Variants in ANO3 observed in about 807,000 individuals in gnomAD.
The protein encoded by ANO3 is anoctamin 3.
A neutral mutation model predicts 144.8 loss-of-function variants in ANO3; 99 were observed. The observed-to-expected ratio is 0.68, with a 90% CI of 0.58 to 0.81. ANO3 has a LOEUF of 0.81. Among genes scored for constraint, ANO3 ranks in the 30% least tolerant of loss-of-function variants. ANO3 has a pLI of 0.00. For missense variants in ANO3, 905 were observed against 1,202.2 expected (o/e 0.75, Z 3.66); for synonymous variants, 414 against 392.6 (o/e 1.05, Z -0.64).
intron 1 of ANO3, among the ~76,000 whole-genome samples, chr11:26,433,125 G>T (rs1211875049): frequency 6.6e-6 from 1 of 152,102 alleles, no homozygotes; most frequent in Non-Finnish European, 1.5e-5. Flanking sequence ...TCTCTGGTTA[G>T]CTGTATTCCT....
chr11:26,357,458 A>C (rs1855811220), intron 1 of ANO3, among the ~76,000 whole-genome samples: 1 of 151,430 alleles, frequency 6.6e-6, no homozygotes, highest in African/African-American at 2.4e-5. Context: ...TTTCCTAATG[A>C]CTCATTATGT....
At chr11:26,249,325 A>G (rs1852872830) in intron 1 of ANO3, among the ~76,000 whole-genome samples, 2 of 152,206 alleles carry the variant, frequency 1.3e-5, no homozygotes, top group Non-Finnish European at 2.9e-5. Flanking sequence ...ATTATATGAA[A>G]CGAAAATTAA....
chr11:26,295,315 G>C (rs1334118581), intron 1 of ANO3, among the ~76,000 whole-genome samples: 1 of 151,598 alleles, frequency 6.6e-6, no homozygotes, highest in Non-Finnish European at 1.5e-5. Context: ...TCAGGAGATC[G>C]AGACCATCCT....
chr11:26,659,745 A>G (rs930568600), intron 26 of ANO3, among the ~76,000 whole-genome samples: 3 of 152,160 alleles, frequency 2.0e-5, no homozygotes, highest in African/African-American at 4.8e-5. Flanking sequence ...TCATAGAATT[A>G]TTATGTAATA....
At chr11:26,619,005 A>G (rs1430407489) in intron 17 of ANO3, among the ~76,000 whole-genome samples, 1 of 152,168 alleles carries the variant, frequency 6.6e-6, no homozygotes, top group Non-Finnish European at 1.5e-5. Context: ...TTTTGTGAAT[A>G]TTCTTCTGTT....
At chr11:26,289,539 ATATATTCTATATGTG>A (rs1853889837) in intron 1 of ANO3, among the ~76,000 whole-genome samples, 1 of 138,612 alleles carries the variant, frequency 7.2e-6, no homozygotes, top group South Asian at 2.2e-4. Context: ...TATAGAATAT[ATATATTCTATATGTG>A]TGTATATGTA....
Position 26,660,264 on chromosome 11 carries a change from C to T in ANO3, c.2766C>T (p.His922=), listed in dbSNP as rs146244818. The T allele has an allele frequency of 1.2e-6, 2 of 1,612,398 alleles. No individual in the cohort carries two copies. The highest frequency in any genetic ancestry group is 1.7e-6 in the Non-Finnish European group (2 of 1,179,302). The change falls in exon 27 of 27, where the codon CAC becomes CAT. Residue 922 remains histidine (H), a splice_region_variant and synonymous_variant. Transcript: ENST00000256737. ...ARLAFIIVFE[H]LVFGIKSFIA... Reference sequence around the variant, plus strand: ...CCTTTTCACATTTAAATTTGCAGCACCTTGTTTTTGGGATTAAGTCATTCA... The same window carrying T: ...CCTTTTCACATTTAAATTTGCAGCATCTTGTTTTTGGGATTAAGTCATTCA...
chr11:26,544,275 C>CATATATATATATATAT (rs1424177707), intron 11 of ANO3, among the ~76,000 whole-genome samples: 3 of 45,240 alleles, frequency 6.6e-5, no homozygotes, highest in African/African-American at 1.3e-4. Context: ...TATATATATA[C>CATATATATATATATAT]ACACATACAC....
chr11:26,218,635 A>C (rs1852081101), intron 1 of ANO3, among the ~76,000 whole-genome samples: 1 of 152,198 alleles, frequency 6.6e-6, no homozygotes, highest in Non-Finnish European at 1.5e-5. Context: ...AATATGTACT[A>C]ATATGAAAGG....
chr11:26,454,159 TA>T (rs1235948353), intron 3 of ANO3, among the ~76,000 whole-genome samples: 6 of 151,728 alleles, frequency 4.0e-5, no homozygotes, highest in Non-Finnish European at 7.4e-5. Flanking sequence ...ACATCACAAT[TA>T]AAAGAACTAG....
At chr11:26,360,193 T>C (rs1855890513) in intron 1 of ANO3, among the ~76,000 whole-genome samples, 1 of 128,454 alleles carries the variant, frequency 7.8e-6, no homozygotes, top group South Asian at 3.1e-4. Context: ...GCCCTTTTTT[T>C]TTCCACTTAC....
chr11:26,446,437 T>C (rs1858704844), intron 3 of ANO3, among the ~76,000 whole-genome samples: 1 of 152,206 alleles, frequency 6.6e-6, no homozygotes, highest in African/African-American at 2.4e-5. Context: ...ATGAGAATAT[T>C]AATGCTGAGG....
chr11:26,627,814 A>AGTGTGTGTGTGTGTGTGT (rs72002807), intron 18 of ANO3, among the ~76,000 whole-genome samples: 4 of 131,282 alleles, frequency 3.0e-5, no homozygotes, highest in African/African-American at 8.6e-5. Context: ...AATAGAATCT[A>AGTGTGTGTGTGTGTGTGT]GTGTGTGTGT....
chr11:26,567,033 C>A, intron 14 of ANO3: 2 of 1,476,958 alleles, frequency 1.4e-6, no homozygotes, highest in African/African-American at 1.4e-5. Flanking sequence ...TTTACAGTAT[C>A]ATCTTATTTG....
intron 17 of ANO3, among the ~76,000 whole-genome samples, chr11:26,607,880 C>G (rs956361101): frequency 6.6e-6 from 1 of 152,184 alleles, no homozygotes; most frequent in African/African-American, 2.4e-5. Context: ...GGGTTAGAAC[C>G]TGTTCCTTTA....
chr11:26,375,934 G>A (rs549913209), intron 1 of ANO3, among the ~76,000 whole-genome samples: 81 of 152,250 alleles, frequency 5.3e-4, no homozygotes, highest in African/African-American at 1.9e-3. Flanking sequence ...CTGTGAGGAT[G>A]ACAGGAGAAT....
intron 1 of ANO3, among the ~76,000 whole-genome samples, chr11:26,327,125 AT>A (rs1485852218): frequency 1.3e-5 from 2 of 152,308 alleles, no homozygotes; most frequent in African/African-American, 4.8e-5. Flanking sequence ...ACTTTCACAA[AT>A]AATAAAGAGT....
chr11:26,531,119 T>C, intron 7 of ANO3, 86 bp from the exon 8 acceptor site: 1 of 1,464,100 alleles, frequency 6.8e-7, no homozygotes, highest in Non-Finnish European at 9.4e-7. Context: ...AAGAAGTTTC[T>C]TTAGTACTTA....
At chr11:26,646,990 G>A (rs2133072857) in intron 23 of ANO3, among the ~76,000 whole-genome samples, 1 of 152,164 alleles carries the variant, frequency 6.6e-6, no homozygotes, top group African/African-American at 2.4e-5. Context: ...GCCAAGTGTG[G>A]GAGGAAAGAA....
Sources: allele counts gnomAD v4.1 joint callset (sites outside exome capture counted in the v4.1 genomes callset), GRCh38; gene constraint gnomAD v4.1.1; transcripts MANE v1.5; gene names NCBI Gene and HGNC (gene_info 2026-07-23, HGNC 2026-07-21).